The following CACNA1C variants were observed in gnomAD, a reference collection of about 807,000 sequenced individuals.
The protein encoded by CACNA1C is calcium voltage-gated channel subunit alpha1 C.
In CACNA1C, 30 loss-of-function variants were observed where a neutral mutation model predicts 229.0. That is an observed-to-expected ratio of 0.13 (90% CI 0.10 to 0.18). The LOEUF is 0.18. Among genes scored for constraint, CACNA1C ranks in the 10% least tolerant of loss-of-function variants. The pLI is 1.00. For missense variants in CACNA1C, 1,658 were observed against 2,845.0 expected, an observed-to-expected ratio of 0.58 and a Z score of 9.49; for synonymous variants, 1,114 against 1,132.5, an observed-to-expected ratio of 0.98 and a Z score of 0.33.
At chr12:2,071,409 G>A (rs902778258) in intron 1 of CACNA1C, among the ~76,000 whole-genome samples, 2 of 151,616 alleles carry the variant, frequency 1.3e-5, no homozygotes, top group African/African-American at 2.4e-5. Flanking sequence ...GTAGAGATGA[G>A]ATGAGGTCTT....
chr12:2,211,995 A>C (rs2097935702), intron 3 of CACNA1C, among the ~76,000 whole-genome samples: 1 of 152,098 alleles, frequency 6.6e-6, no homozygotes, highest in African/African-American at 2.4e-5. Flanking sequence ...TGCTGGGATT[A>C]TAGGCATGAG....
At chr12:2,413,063 G>A (rs2098826102) in intron 3 of CACNA1C, among the ~76,000 whole-genome samples, 1 of 152,342 alleles carries the variant, frequency 6.6e-6, no homozygotes, top group Admixed American at 6.5e-5. Context: ...TGTCGCCCAG[G>A]CTGGAGTGCA....
At chr12:2,390,000 G>A (rs749459273) in intron 3 of CACNA1C, among the ~76,000 whole-genome samples, 2 of 152,264 alleles carry the variant, frequency 1.3e-5, no homozygotes, top group Non-Finnish European at 2.9e-5. Context: ...TTTTATTATA[G>A]CATCTCTCAA....
rs1015755669 is a variant in CACNA1C at position 2,346,338 on chromosome 12, G to A, written c.478-102638G>A. ...GTCTGTGTGTCTTTGTAATGTGTGTGTGTGCCTATGTATGTCTCTGTGTTT... is the reference window on the plus strand; with the variant it reads ...GTCTGTGTGTCTTTGTAATGTGTGTATGTGCCTATGTATGTCTCTGTGTTT... On this transcript the variant is annotated intron_variant, in intron 3 of 46. Coordinates refer to ENST00000399655, the MANE Select transcript of CACNA1C (RefSeq NM_000719.7). This position sits in a 1 kb window ranked among gnomAD's most constrained non-coding sequence, Gnocchi z 4.4. Among the ~76,000 whole-genome samples the A allele has an allele frequency of 6.6e-6, 1 of 152,164 alleles. No homozygotes were observed. The highest frequency in any genetic ancestry group is 2.4e-5 in the African/African-American group (1 of 41,436).
intron 1 of CACNA1C, among the ~76,000 whole-genome samples, chr12:2,028,024 C>G (rs181488878): frequency 6.6e-6 from 1 of 152,174 alleles, no homozygotes; most frequent in Non-Finnish European, 1.5e-5. Context: ...ATACCTGAAA[C>G]CTTCGCCTCC....
intron 3 of CACNA1C, among the ~76,000 whole-genome samples, chr12:2,230,565 C>A (rs868397713): frequency 2.3e-4 from 35 of 152,292 alleles, no homozygotes; most frequent in Admixed American, 7.2e-4. Context: ...CCATCGTGAC[C>A]CTCGACGGCC....
intron 1 of CACNA1C, among the ~76,000 whole-genome samples, chr12:2,075,598 T>C (rs775519695): frequency 2.6e-5 from 4 of 152,254 alleles, no homozygotes; most frequent in Non-Finnish European, 5.9e-5. Context: ...GGAGGCTTTG[T>C]TGCTGGGCTT....
chr12:2,606,962 ACTC>A lies in CACNA1C; in HGVS notation c.3210-19_3210-17del, dbSNP rs1463212641. The A allele has an allele frequency of 1.9e-6, 3 of 1,611,048 alleles. No individual in the cohort carries two copies. Among genetic ancestry groups the A allele is most frequent in the Admixed American group, 3.3e-5 (2 of 59,908 alleles). On this transcript the variant is annotated intron_variant, in intron 25 of 46. Coordinates refer to ENST00000399655, the MANE Select transcript of CACNA1C (RefSeq NM_000719.7). ...AGGAAGATGGGAGATCCCAGAGTAA[ACTC>A]CTTCTCCTCCTCTCTCAGGGGCAAC... is the stretch of plus-strand genomic sequence containing the variant.
chr12:2,682,625 G>A lies in CACNA1C; in HGVS notation c.5520G>A (p.Lys1840=), dbSNP rs1456806337. ...ETSQDETYEV[K]MNHDTEACSE... The stretch of plus-strand genomic sequence containing the variant: ...CTCAGGATGAGACCTATGAAGTGAA[G>A]ATGAACCATGACACGGAGGCCTGCA... The change falls in exon 43 of 47, where the codon AAG becomes AAA. Residue 1840 remains lysine (K), a synonymous_variant. Transcript: ENST00000399655. The A allele has an allele frequency of 8.1e-6, 13 of 1,612,408 alleles. No individual in the cohort carries two copies. Among genetic ancestry groups the A allele is most frequent in the Non-Finnish European group, 9.3e-6 (11 of 1,179,588 alleles).
intron 9 of CACNA1C, among the ~76,000 whole-genome samples, chr12:2,537,114 A>G (rs1599266914): frequency 6.6e-6 from 1 of 152,196 alleles, no homozygotes; most frequent in Non-Finnish European, 1.5e-5. Flanking sequence ...GCTTCTCCCC[A>G]GGACCACCAC....
rs2053963533 is a variant in CACNA1C at position 2,054,695 on chromosome 12, C to G, written c.49+1084C>G. Among the ~76,000 whole-genome samples the G allele has an allele frequency of 6.6e-6, 1 of 152,214 alleles. No individual in the cohort carries two copies. The highest frequency in any genetic ancestry group is 1.5e-5 in the Non-Finnish European group (1 of 68,048). On this transcript the variant is annotated intron_variant, in intron 1 of 46. Coordinates refer to ENST00000399655, the MANE Select transcript of CACNA1C (RefSeq NM_000719.7). The surrounding 1 kb of genome is among the most constrained non-coding windows in gnomAD (Gnocchi z 5.5). ...CTGGCAACCTCCAGGCATGACATCT[C>G]TTTCTTCTCGCCACTGCTCTGTCTC...
intron 3 of CACNA1C, among the ~76,000 whole-genome samples, chr12:2,166,214 C>A (rs1044337045): frequency 6.6e-6 from 1 of 152,202 alleles, no homozygotes; most frequent in Non-Finnish European, 1.5e-5. Flanking sequence ...CCATGTTTAC[C>A]CATATTCCTC....
chr12:2,107,601 T>G (rs1432014951), intron 1 of CACNA1C, among the ~76,000 whole-genome samples: 1 of 152,230 alleles, frequency 6.6e-6, no homozygotes, highest in Non-Finnish European at 1.5e-5. Context: ...GCTTCCCCAT[T>G]TGGCCATTGA....
chr12:2,154,644 G>C (rs1597485591), intron 3 of CACNA1C, among the ~76,000 whole-genome samples: 1 of 152,200 alleles, frequency 6.6e-6, no homozygotes, highest in East Asian at 1.9e-4. Flanking sequence ...AGAAGTCACT[G>C]AAGGTTTACC....
chr12:2,011,120 C>T (rs1027051252), intron 1 of CACNA1C: 9 of 135,882 alleles, frequency 6.6e-5, no homozygotes, highest in African/African-American at 1.9e-4. Flanking sequence ...CACTGCACTC[C>T]GGCCTGGGAG....
chr12:2,186,874 C>T (rs947236994), intron 3 of CACNA1C, among the ~76,000 whole-genome samples: 1 of 152,166 alleles, frequency 6.6e-6, no homozygotes, highest in Admixed American at 6.5e-5. Context: ...GTCTGCCTGA[C>T]CCAGAGTGTA....
At position 2,666,495 on chromosome 12, in the gene CACNA1C, G is replaced by A. The variant is rs1163829330; in HGVS notation, c.4527-191G>A. The A allele has an allele frequency of 4.0e-6, 2 of 502,822 alleles. No homozygotes were observed. Among genetic ancestry groups the A allele is most frequent in the South Asian group, 4.0e-5 (1 of 25,078 alleles). 31.1% of individuals were successfully genotyped at this position (502,822 alleles called of 1,614,324 possible). The stretch of plus-strand genomic sequence containing the variant: ...ATGATTCATTAAAATCTAAACACGT[G>A]TATATGTATATTGGTTTGGGGCTGT... On this transcript the variant is annotated intron_variant, in intron 36 of 46. Coordinates refer to ENST00000399655, the MANE Select transcript of CACNA1C (RefSeq NM_000719.7). The surrounding 1 kb of genome is among the most constrained non-coding windows in gnomAD (Gnocchi z 5.3).
intron 1 of CACNA1C, among the ~76,000 whole-genome samples, chr12:1,993,687 CGTT>C (rs1565859318): frequency 1.3e-5 from 2 of 150,584 alleles, no homozygotes; most frequent in African/African-American, 4.9e-5. Flanking sequence ...CTTAACCTAA[CGTT>C]GTAAATTCCT....
At chr12:2,137,897 A>T (rs1277395631) in intron 3 of CACNA1C, among the ~76,000 whole-genome samples, 1 of 151,194 alleles carries the variant, frequency 6.6e-6, no homozygotes. Flanking sequence ...AGGCCAGTGG[A>T]CCCTGTCTTT....
Sources: allele counts gnomAD v4.1 joint callset (sites outside exome capture counted in the v4.1 genomes callset), GRCh38; gene constraint gnomAD v4.1.1; non-coding constraint Gnocchi (gnomAD v3.1); transcripts MANE v1.5; gene names NCBI Gene and HGNC (gene_info 2026-07-23, HGNC 2026-07-21).